The following PTDSS2 variants were observed in gnomAD, a reference collection of about 807,000 sequenced individuals.
The protein encoded by PTDSS2 is PSS-2.
Under a neutral mutation model 64.7 loss-of-function variants are expected in PTDSS2, and 41 were observed. The ratio of observed to expected loss-of-function variants is 0.63; its 90% CI spans 0.49 to 0.82. PTDSS2 has a LOEUF of 0.82. PTDSS2 is among the 40% of genes least tolerant of loss of function. PTDSS2 has a pLI of 0.00. For missense variants in PTDSS2, 485 were observed against 650.0 expected (o/e 0.75, Z 2.76); for synonymous variants, 297 against 277.8 (o/e 1.07, Z -0.69).
chr11:450,528 C>A lies in PTDSS2; in HGVS notation c.73C>A (p.Leu25Met). The change falls in exon 1 of 12, where the codon CTG becomes ATG. Residue 25 changes from leucine (L) to methionine (M), a missense_variant. By Grantham distance (15) the Leu-to-Met change is conservative (BLOSUM62 2). Around this residue, in one of 3 missense-constraint regions of PTDSS2, gnomAD observed 251 missense variants for 348.0 expected, o/e 0.72. Coordinates refer to ENST00000308020, the MANE Select transcript of PTDSS2 (RefSeq NM_030783.3). Reference protein sequence around the residue: ...ESPVPAGRASLEEPPDGPSAG... With the variant: ...ESPVPAGRASMEEPPDGPSAG... ...CCCGGTGCCCGCGGGCAGGGCCTCGCTGGAGGAGCCGCCTGACGGGCCGTC... is the reference window on the plus strand; with the variant it reads ...CCCGGTGCCCGCGGGCAGGGCCTCGATGGAGGAGCCGCCTGACGGGCCGTC... 1 of 1,241,164 alleles carries A rather than the reference C, an allele frequency of 8.1e-7. No individual in the cohort carries two copies. The highest frequency in any genetic ancestry group is 1.0e-6 in the Non-Finnish European group (1 of 985,516). 76.9% of individuals were successfully genotyped at this position (1,241,164 alleles called of 1,614,324 possible).
rs753384793 is a variant in PTDSS2 at position 487,038 on chromosome 11, C to G, written c.535C>G (p.Pro179Ala). 13 of 1,613,484 alleles carry G rather than the reference C, an allele frequency of 8.1e-6. No homozygotes were observed. The South Asian group carries it at 1.3e-4, about 16-fold the overall frequency. ...DYGGNCLIYD[P>A]DNETDPFHNI... The stretch of plus-strand genomic sequence containing the variant: ...CGGGGGAAACTGCCTCATCTACGAC[C>G]CAGACAATGAGACTGACCCCTTTCA... Residue 179 changes from proline (P) to alanine (A), a missense_variant, in exon 5 of 12, where the codon CCA becomes GCA. By Grantham distance (27) the Pro-to-Ala change is conservative. Around this residue, in one of 3 missense-constraint regions of PTDSS2, gnomAD observed 251 missense variants for 348.0 expected, o/e 0.72. Transcript: ENST00000308020.
chr11:485,779 G>C, intron 4 of PTDSS2, among the ~76,000 whole-genome samples: 1 of 132,940 alleles, frequency 7.5e-6, no homozygotes, highest in South Asian at 2.3e-4. Context: ...GCGCGCGTGT[G>C]CTCACCGTGC....
chr11:481,832 C>T (rs1229703226), intron 4 of PTDSS2, among the ~76,000 whole-genome samples: 1 of 150,358 alleles, frequency 6.7e-6, no homozygotes, highest in Non-Finnish European at 1.5e-5. Context: ...ATCTAGATGT[C>T]TTTTATTTCT....
Position 489,972 on chromosome 11 carries a change from A to C in PTDSS2, c.1205A>C (p.His402Pro). 6.2e-7 allele frequency: 1 copy of C among 1,612,040 alleles called. No individual in the cohort carries two copies. Among genetic ancestry groups the C allele is most frequent in the Non-Finnish European group, 8.5e-7 (1 of 1,179,904 alleles). The change falls in exon 11 of 12, where the codon CAC becomes CCC. Residue 402 changes from histidine to proline, a missense_variant. This residue lies in a region of PTDSS2 where 219 missense variants were observed against 257.3 expected (regional missense o/e 0.85). Transcript: ENST00000308020. ...CTCATCGTGGTGAAGTACGACCCCC[A>C]CACGCTCACCCTGTCCCTGCCCTTC... is the stretch of plus-strand genomic sequence containing the variant. ...ELLIVVKYDPHTLTLSLPFYI... is the reference protein window; with the variant it reads ...ELLIVVKYDPPTLTLSLPFYI...
At position 450,499 on chromosome 11, in the gene PTDSS2, A is replaced by C; in HGVS notation, c.44A>C (p.Glu15Ala). The C allele has an allele frequency of 5.7e-6, 7 of 1,237,774 alleles. No homozygotes were observed. The highest frequency in any genetic ancestry group is 7.1e-6 in the Non-Finnish European group (7 of 984,686). 76.7% of individuals were successfully genotyped at this position (1,237,774 alleles called of 1,614,324 possible). Residue 15 changes from glutamate (E) to alanine (A), a missense_variant, in exon 1 of 12, where the codon GAG becomes GCG. Glu to Ala is a moderately radical substitution (Grantham distance 107). Around this residue, in one of 3 missense-constraint regions of PTDSS2, gnomAD observed 251 missense variants for 348.0 expected, o/e 0.72. Transcript: ENST00000308020. ...AGGGACGCCGGAGGTCCGCGGCCCG[A>C]GTCCCCGGTGCCCGCGGGCAGGGCC... The part of the protein sequence containing the change: ...ERRDAGGPRP[E>A]SPVPAGRASL...
At chr11:472,335 C>T (rs1236952124) in intron 2 of PTDSS2, among the ~76,000 whole-genome samples, 1 of 152,240 alleles carries the variant, frequency 6.6e-6, no homozygotes, top group Non-Finnish European at 1.5e-5. Flanking sequence ...ACACCTCCCA[C>T]CCCTCAGCAC....
In PTDSS2 at chr11:490,689, T is replaced by C; in HGVS notation, c.*107T>C. 1 of 1,254,128 alleles carries C rather than the reference T, an allele frequency of 8.0e-7. No individual in the cohort carries two copies. The highest frequency in any genetic ancestry group is 1.1e-6 in the Non-Finnish European group (1 of 925,314). The allele number at this position is 1,254,128 out of a possible 1,614,324, so 77.7% of individuals were successfully genotyped here. A position where few individuals can be genotyped will look rare whatever the true frequency, so the allele number is the denominator to read the frequency against. On this transcript the variant is annotated 3_prime_UTR_variant, in exon 12 of 12. Coordinates refer to ENST00000308020, the MANE Select transcript of PTDSS2 (RefSeq NM_030783.3). ...GTGCCCGGCCTTGCCCTCAAGGTTT[T>C]TTGCTTTTCTCCTGTGCACCTGGCG...
At chr11:485,620 G>A (rs1848323087) in intron 4 of PTDSS2, among the ~76,000 whole-genome samples, 1 of 141,790 alleles carries the variant, frequency 7.1e-6, no homozygotes, top group African/African-American at 2.7e-5. Context: ...CTGCGCAGGC[G>A]AGTGTAAACA....
rs1396507979 is a variant in PTDSS2, at chr11:479,156, A to G, written c.435+4A>G. The G allele has an allele frequency of 1.9e-6, 3 of 1,613,296 alleles. No individual in the cohort carries two copies. The stretch of plus-strand genomic sequence containing the variant: ...TCTCATCTTTATACTCTTCCAGGTA[A>G]GCTGTTTTTCTGGGTTGGATACCTG... On this transcript the variant is annotated splice_donor_region_variant and intron_variant, in intron 4 of 11. Coordinates refer to ENST00000308020, the MANE Select transcript of PTDSS2 (RefSeq NM_030783.3). This position sits in a 1 kb window ranked among gnomAD's most constrained non-coding sequence, Gnocchi z 4.2.
chr11:452,311 C>T (rs374121647), intron 1 of PTDSS2, among the ~76,000 whole-genome samples: 1 of 152,286 alleles, frequency 6.6e-6, no homozygotes, highest in African/African-American at 2.4e-5. Context: ...GATTCTGGTG[C>T]AGGCATGGAA....
rs1479952684 is a variant in PTDSS2 at position 479,666 on chromosome 11, G to A, written c.435+514G>A. Among the ~76,000 whole-genome samples, 7 of 152,210 alleles carry A rather than the reference G, an allele frequency of 4.6e-5. No homozygotes were observed. The highest frequency in any genetic ancestry group is 1.7e-4 in the African/African-American group (7 of 41,454). On this transcript the variant is annotated intron_variant, in intron 4 of 11. Transcript: ENST00000308020. The surrounding 1 kb of genome is among the most constrained non-coding windows in gnomAD (Gnocchi z 4.2). ...CAAGAGGGACGGGGTCTTTGTTTTT[G>A]TGTTTTGTGGTTGACCAGTGTGACT...
intron 6 of PTDSS2, 47 bp from the exon 7 acceptor site, chr11:488,152 C>T (rs749662519): frequency 5.6e-6 from 8 of 1,419,798 alleles, no homozygotes; most frequent in Admixed American, 3.4e-5. Flanking sequence ...TGGGCAGGGC[C>T]GGGTGTGGCC....
intron 4 of PTDSS2, among the ~76,000 whole-genome samples, chr11:485,679 G>A (rs1415762551): frequency 2.7e-5 from 4 of 147,226 alleles, no homozygotes; most frequent in East Asian, 2.1e-4. Flanking sequence ...TTTAAACAGC[G>A]CACGGGCGCG....
rs539099548 is a variant in PTDSS2 at position 450,662 on chromosome 11, G to A, written c.182+25G>A. The A allele has an allele frequency of 2.5e-3, 3,127 of 1,242,778 alleles. 3 individuals are homozygous for A. The highest frequency in any genetic ancestry group is 4.7e-3 in the Middle Eastern group (15 of 3,194). 77.0% of individuals were successfully genotyped at this position (1,242,778 alleles called of 1,614,324 possible). On this transcript the variant is annotated intron_variant, in intron 1 of 11. Transcript: ENST00000308020. ...GGTGAGGGCAGTGGGCGGCCGCGGGGCGGCGAGGGTGCCCTCGACCTGGGG... is the reference window on the plus strand; with the variant it reads ...GGTGAGGGCAGTGGGCGGCCGCGGGACGGCGAGGGTGCCCTCGACCTGGGG...
At chr11:454,711 A>T (rs1373955478) in intron 1 of PTDSS2, among the ~76,000 whole-genome samples, 1 of 152,182 alleles carries the variant, frequency 6.6e-6, no homozygotes, top group Non-Finnish European at 1.5e-5. Flanking sequence ...AGGCTGAGGC[A>T]GGAGAATCGC....
At chr11:451,159 A>G (rs1831749825) in intron 1 of PTDSS2, among the ~76,000 whole-genome samples, 1 of 152,070 alleles carries the variant, frequency 6.6e-6, no homozygotes, top group African/African-American at 2.4e-5. Flanking sequence ...GTGCTTCAGG[A>G]ATGTAGTCGG....
At chr11:483,391 G>C (rs371958561) in intron 4 of PTDSS2, among the ~76,000 whole-genome samples, 46 of 147,966 alleles carry the variant, frequency 3.1e-4, no homozygotes, top group African/African-American at 9.6e-4. Context: ...CTACCGAGTG[G>C]AGAAGGTTCT....
chr11:489,607 A>G lies in PTDSS2; in HGVS notation c.989A>G (p.Asn330Ser). The G allele has an allele frequency of 6.3e-7, 1 of 1,597,128 alleles. No individual in the cohort carries two copies. The change falls in exon 10 of 12, where the codon AAC (asparagine) becomes AGC (serine). Residue 330 changes from asparagine to serine, a missense_variant. By Grantham distance (46) the Asn-to-Ser change is conservative (BLOSUM62 1). Coordinates refer to ENST00000308020, the MANE Select transcript of PTDSS2 (RefSeq NM_030783.3). ...IILVFLLAEL[N>S]TFYLKFVLWM... ...CCCTAGTTCCTGTTGGCAGAACTGA[A>G]CACGTTCTACCTGAAGTTTGTGCTG... is the stretch of plus-strand genomic sequence containing the variant.
At chr11:478,603 C>T (rs1036828427) in intron 3 of PTDSS2, among the ~76,000 whole-genome samples, 4 of 151,874 alleles carry the variant, frequency 2.6e-5, no homozygotes, top group Admixed American at 2.0e-4. Context: ...AAAAATTAGC[C>T]GGGTGTGCTG....
Sources: allele counts gnomAD v4.1 joint callset (sites outside exome capture counted in the v4.1 genomes callset), GRCh38; gene constraint gnomAD v4.1.1; regional missense constraint gnomAD v4.1.1; non-coding constraint Gnocchi (gnomAD v3.1); transcripts MANE v1.5; gene names NCBI Gene and HGNC (gene_info 2026-07-23, HGNC 2026-07-21).